Variants in SLC12A5 observed in about 807,000 individuals in gnomAD.
SLC12A5 encodes the protein solute carrier family 12 member 5.
In SLC12A5, 18 loss-of-function variants were observed where a neutral mutation model predicts 124.0. The ratio of observed to expected loss-of-function variants is 0.15; its 90% CI spans 0.10 to 0.22. The LOEUF is 0.22. SLC12A5 is among the 10% of genes least tolerant of loss of function. SLC12A5 has a pLI of 1.00. For missense variants in SLC12A5, 867 were observed against 1,478.7 expected (o/e 0.59, Z 6.78); for synonymous variants, 589 against 568.0 (o/e 1.04, Z -0.53).
rs111486848 is a variant in SLC12A5, at chr20:46,034,568, G to T, written c.53-380G>T. Among the ~76,000 whole-genome samples, 509 of 152,238 alleles carry T rather than the reference G, an allele frequency of 3.3e-3. 1 individual carries two copies. The highest frequency in any genetic ancestry group is 6.8e-3 in the Middle Eastern group (2 of 294). ...TTCTTCAAGAAGTGGCACATCCTTG[G>T]GGCCTTGATCTGTAGTGCTCCTGGA... On this transcript the variant is annotated intron_variant, in intron 1 of 25. Coordinates refer to ENST00000243964, the MANE Select transcript of SLC12A5 (RefSeq NM_020708.5).
Position 46,057,029 on chromosome 20 carries a change from G to T in SLC12A5, c.3125+118G>T, listed in dbSNP as rs1373706963. ...ACCTCTGGGATCTCTGAATAGCCTA[G>T]CCTGGAGATGTTTAGGATTGGTGGT... is the stretch of plus-strand genomic sequence containing the variant. On this transcript the variant is annotated intron_variant, in intron 24 of 25. Coordinates refer to ENST00000243964, the MANE Select transcript of SLC12A5 (RefSeq NM_020708.5). The surrounding 1 kb of genome is among the most constrained non-coding windows in gnomAD (Gnocchi z 7.1). 1 of 1,589,284 alleles carries T rather than the reference G, an allele frequency of 6.3e-7. No homozygotes were observed. Among genetic ancestry groups the T allele is most frequent in the African/African-American group, 1.3e-5 (1 of 74,332 alleles).
In SLC12A5 at chr20:46,047,505, C is replaced by T. The variant is rs767721859; in HGVS notation, c.1839C>T (p.Cys613=). 2 of 1,613,998 alleles carry T rather than the reference C, an allele frequency of 1.2e-6. No individual in the cohort carries two copies. The highest frequency in any genetic ancestry group is 1.7e-5 in the Admixed American group (1 of 59,998). ...MSLCLALMFI[C]SWYYALVAML... ...TCTGCCTGGCCCTCATGTTCATCTG[C>T]TCCTGGTATTATGCACTGGTAGCCA... The change falls in exon 15 of 26, where the codon TGC becomes TGT. Residue 613 remains cysteine (C), a synonymous_variant. Coordinates refer to ENST00000243964, the MANE Select transcript of SLC12A5 (RefSeq NM_020708.5).
upstream of SLC12A5, among the ~76,000 whole-genome samples, chr20:46,026,293 C>G (rs1287292442): frequency 1.5e-4 from 23 of 152,092 alleles, no homozygotes; most frequent in Admixed American, 1.5e-3. Flanking sequence ...CCCTCCCTAG[C>G]CCTGCATCTT....
intron 18 of SLC12A5, among the ~76,000 whole-genome samples, 193 bp from the exon 19 acceptor site, chr20:46,052,764 G>A (rs752566606): frequency 4.6e-5 from 7 of 152,174 alleles, no homozygotes; most frequent in African/African-American, 1.7e-4. Context: ...GTTGATAGAC[G>A]TTCCTAGATC....
rs200685391 is a variant in SLC12A5 at position 46,057,640 on chromosome 20, C to T, written c.*35C>T. 11,900 of 1,552,348 alleles carry T rather than the reference C, an allele frequency of 7.7e-3. 66 individuals carry two copies. The highest frequency in any genetic ancestry group is 0.018 in the Middle Eastern group (101 of 5,648). On this transcript the variant is annotated 3_prime_UTR_variant, in exon 26 of 26. Transcript: ENST00000243964. This position sits in a 1 kb window ranked among gnomAD's most constrained non-coding sequence, Gnocchi z 7.1. ...CCTGCCACCCGGGCCCGAGCGCGCC[C>T]GGCCCGCGGCTCCGGAGCCCTCGCC...
intron 5 of SLC12A5, among the ~76,000 whole-genome samples, chr20:46,037,040 C>G (rs1235707830): frequency 2.0e-5 from 3 of 151,996 alleles, no homozygotes; most frequent in Non-Finnish European, 4.4e-5. Context: ...GCCATGACCT[C>G]CTTAAAGGGG....
chr20:46,039,421 A>G (rs2084525743), intron 6 of SLC12A5, among the ~76,000 whole-genome samples: 1 of 152,222 alleles, frequency 6.6e-6, no homozygotes, highest in Non-Finnish European at 1.5e-5. Context: ...TTCTTTTTCA[A>G]AAACCTGATT....
chr20:46,056,709 C>A lies in SLC12A5; in HGVS notation c.3110+145C>A. On this transcript the variant is annotated intron_variant, in intron 23 of 25. Transcript: ENST00000243964. This position sits in a 1 kb window ranked among gnomAD's most constrained non-coding sequence, Gnocchi z 4.3. ...TTGTCTTGGTTTCTCCATCTGAGGACTTAGGGGGTTGGGCCCCATTGCTAA... is the reference window on the plus strand; with the variant it reads ...TTGTCTTGGTTTCTCCATCTGAGGAATTAGGGGGTTGGGCCCCATTGCTAA... The A allele has an allele frequency of 8.8e-7, 1 of 1,139,672 alleles. No individual in the cohort carries two copies. Among genetic ancestry groups the A allele is most frequent in the Non-Finnish European group, 1.3e-6 (1 of 793,722 alleles). The allele number at this position is 1,139,672 out of a possible 1,614,324, so 70.6% of individuals were successfully genotyped here.
intron 9 of SLC12A5, 129 bp from the exon 10 acceptor site, chr20:46,043,504 G>T: frequency 8.4e-7 from 1 of 1,185,000 alleles, no homozygotes; most frequent in Non-Finnish European, 1.2e-6. Context: ...CATGTCCAAG[G>T]TCTCACACAA....
At chr20:46,055,257 T>A (rs2084679527) in intron 21 of SLC12A5, among the ~76,000 whole-genome samples, 1 of 150,430 alleles carries the variant, frequency 6.6e-6, no homozygotes, top group African/African-American at 2.4e-5. Context: ...GTGACAGATC[T>A]TCTCCTCTGT....
At chr20:46,049,502 TA>T (rs1382478245) in intron 16 of SLC12A5, 119 bp from the exon 17 acceptor site, 2 of 1,257,554 alleles carry the variant, frequency 1.6e-6, no homozygotes, top group Admixed American at 4.2e-5. Context: ...GTGAGGGGTA[TA>T]GGTGGATGGG....
chr20:46,056,041 C>T lies in SLC12A5; in HGVS notation c.2788-109C>T, dbSNP rs190156925. 3 of 1,452,736 alleles carry T rather than the reference C, an allele frequency of 2.1e-6. No individual in the cohort carries two copies. The highest frequency in any genetic ancestry group is 2.8e-5 in the African/African-American group (2 of 70,954). The allele number at this position is 1,452,736 out of a possible 1,614,324, so 90.0% of individuals were successfully genotyped here. ...CATAGCAATATTTTAACAACTGGTA[C>T]AGTTCCAGAAAGTGCATCCTGGCTG... On this transcript the variant is annotated intron_variant, in intron 21 of 25. Coordinates refer to ENST00000243964, the MANE Select transcript of SLC12A5 (RefSeq NM_020708.5). This position sits in a 1 kb window ranked among gnomAD's most constrained non-coding sequence, Gnocchi z 4.3.
At chr20:46,029,873 T>TGCGCGC (rs1234705540) in intron 1 of SLC12A5, among the ~76,000 whole-genome samples, 2 of 51,712 alleles carry the variant, frequency 3.9e-5, no homozygotes, top group Non-Finnish European at 9.6e-5. Context: ...TGTGTGTGTG[T>TGCGCGC]GTGTGTGTGT....
intron 6 of SLC12A5, among the ~76,000 whole-genome samples, chr20:46,040,166 C>A (rs1052075698): frequency 6.6e-6 from 1 of 152,212 alleles, no homozygotes; most frequent in Non-Finnish European, 1.5e-5. Flanking sequence ...CCATGCCTGG[C>A]CTTATAATGT....
rs779452452 is a variant in SLC12A5 at position 46,055,061 on chromosome 20, T to C, written c.2787+38T>C. The C allele has an allele frequency of 1.1e-5, 17 of 1,508,132 alleles. No homozygotes were observed. In the Admixed American group the frequency reaches 2.8e-4, roughly 25 times the overall value. The allele number at this position is 1,508,132 out of a possible 1,614,324, so 93.4% of individuals were successfully genotyped here. On this transcript the variant is annotated intron_variant, in intron 21 of 25. Transcript: ENST00000243964. ...TGGCTGGCCCCTGAGAGCCTCAAAC[T>C]GCTGCCAGTTCTGGGTGGCAGGTTT...
chr20:46,043,988 A>T, intron 11 of SLC12A5, 55 bp downstream of exon 11: 2 of 1,524,792 alleles, frequency 1.3e-6, no homozygotes, highest in Non-Finnish European at 1.8e-6. Flanking sequence ...TAGAAGGCTG[A>T]GTTCTGGGAA....
Position 46,044,948 on chromosome 20 carries a change from C to T in SLC12A5, c.1395-18C>T, listed in dbSNP as rs1420244305. The T allele has an allele frequency of 6.2e-7, 1 of 1,614,068 alleles. No individual in the cohort carries two copies. The highest frequency in any genetic ancestry group is 2.2e-5 in the East Asian group (1 of 44,894). On this transcript the variant is annotated intron_variant, in intron 11 of 25. Transcript: ENST00000243964. ...GGCAGCACTGCTCACCTGGCATCTC[C>T]TGTCCACATCATTCCAGGTTTGGCG...
chr20:46,036,661 T>C, intron 4 of SLC12A5, 80 bp from the exon 5 acceptor site: 1 of 1,492,674 alleles, frequency 6.7e-7, no homozygotes, highest in Non-Finnish European at 9.3e-7. Context: ...CTGGTGTTTA[T>C]GGGGTATAAG....
chr20:46,028,808 A>G (rs1417848117), upstream of SLC12A5, among the ~76,000 whole-genome samples: 2 of 151,508 alleles, frequency 1.3e-5, no homozygotes, highest in Non-Finnish European at 2.9e-5. Flanking sequence ...GTTACCCCAG[A>G]CCCCCAGTCA....
Sources: allele counts gnomAD v4.1 joint callset (sites outside exome capture counted in the v4.1 genomes callset), GRCh38; gene constraint gnomAD v4.1.1; non-coding constraint Gnocchi (gnomAD v3.1); transcripts MANE v1.5; gene names NCBI Gene and HGNC (gene_info 2026-07-23, HGNC 2026-07-21).